The following TCF20 variants were observed in gnomAD, a reference collection of about 807,000 sequenced individuals.
TCF20 encodes the protein SPRE-binding protein.
A neutral mutation model predicts 148.6 loss-of-function variants in TCF20; 3 were observed. The observed-to-expected ratio is 0.02, with a 90% confidence interval of 0.01 to 0.05. TCF20 has a LOEUF of 0.05. Ranked by LOEUF, TCF20 falls within the 10% of genes least tolerant of loss-of-function variation. TCF20 has a pLI of 1.00. For missense variants in TCF20, 2,350 were observed against 2,429.3 expected (o/e 0.97, Z 0.69); for synonymous variants, 1,049 against 909.5 (o/e 1.15, Z -2.76).
rs772990914 is a variant in TCF20 at position 42,210,952 on chromosome 22, C to T, written c.4354G>A (p.Glu1452Lys). The change falls in exon 2 of 6, where the codon GAA becomes AAA. Residue 1452 changes from glutamate to lysine, a missense_variant. Glu to Lys is a moderately conservative substitution (Grantham distance 56, BLOSUM62 1). Around this residue, in one of 7 missense-constraint regions of TCF20, gnomAD observed 231 missense variants for 213.7 expected, o/e 1.08. Coordinates refer to ENST00000677622, the MANE Select transcript of TCF20 (RefSeq NM_001378418.1). The surrounding 1 kb of genome is among the most constrained non-coding windows in gnomAD (Gnocchi z 4.7). Reference sequence around the variant, plus strand: ...GGTTCCTTTCCGGCAGTAACTGTTTCTGCATGTGTCTCTGTCTTCACTTTG... The same window carrying T: ...GGTTCCTTTCCGGCAGTAACTGTTTTTGCATGTGTCTCTGTCTTCACTTTG... ...DDKVKTETHA[E>K]TVTAGKEPPG... The T allele has an allele frequency of 2.5e-6, 4 of 1,614,166 alleles. No individual in the cohort carries two copies. The South Asian group carries it at 3.3e-5, about 13-fold the overall frequency.
chr22:42,175,066 A>G (rs1307267670), intron 3 of TCF20, among the ~76,000 whole-genome samples: 4 of 152,042 alleles, frequency 2.6e-5, no homozygotes, highest in Non-Finnish European at 2.9e-5. Context: ...ATTTTTTTCA[A>G]CTAGAAACAA....
intron 1 of TCF20, among the ~76,000 whole-genome samples, chr22:42,234,892 G>T (rs770943110): frequency 2.0e-5 from 3 of 152,098 alleles, no homozygotes; most frequent in Non-Finnish European, 4.4e-5. Flanking sequence ...GTAAATCCCA[G>T]AACTTTTGGA....
chr22:42,258,418 CAG>C (rs1339665252), intron 1 of TCF20, among the ~76,000 whole-genome samples: 2 of 152,174 alleles, frequency 1.3e-5, no homozygotes, highest in African/African-American at 2.4e-5. Context: ...ACGCCAATCA[CAG>C]GGGATCACAC....
rs887861068 is a variant in TCF20, at chr22:42,283,181, G to A, written c.-37+646C>T. ...ATTGTTGGCGTTTCTCTCGGCCCTCGCTCCGTGCCCATCGCCCAACTCGCA... is the reference window on the plus strand; with the variant it reads ...ATTGTTGGCGTTTCTCTCGGCCCTCACTCCGTGCCCATCGCCCAACTCGCA... On this transcript the variant is annotated intron_variant, in intron 1 of 5. Transcript: ENST00000359486. Among the ~76,000 whole-genome samples, 6 of 152,152 alleles carry A rather than the reference G, an allele frequency of 3.9e-5. No homozygotes were observed. The South Asian group carries it at 6.2e-4, about 16-fold the overall frequency.
Position 42,213,618 on chromosome 22 carries a change from C to A in TCF20, c.1688G>T (p.Gly563Val), listed in dbSNP as rs771217093. The A allele has an allele frequency of 6.2e-7, 1 of 1,614,090 alleles. No individual in the cohort carries two copies. The highest frequency in any genetic ancestry group is 2.2e-5 in the East Asian group (1 of 44,878). The change falls in exon 2 of 6, where the codon GGT becomes GTT. Residue 563 changes from glycine (G) to valine (V), a missense_variant. Physicochemically the swap from Gly to Val is moderately radical, Grantham distance 109. Around this residue, in one of 7 missense-constraint regions of TCF20, gnomAD observed 1,641 missense variants for 1,662.6 expected, o/e 0.99. Coordinates refer to ENST00000677622, the MANE Select transcript of TCF20 (RefSeq NM_001378418.1). ...SEKAGSSPAQ[G>V]AQNEPPRLNA... ...GAGTCTGGGGGGTTCATTCTGAGCA[C>A]CTTGTGCCGGTGAGGAGCCAGCTTT...
At chr22:42,280,590 G>A (rs756494651) in intron 1 of TCF20, among the ~76,000 whole-genome samples, 5 of 152,204 alleles carry the variant, frequency 3.3e-5, no homozygotes, top group Admixed American at 6.5e-5. Context: ...CTAATACATA[G>A]TTAGGCAACT....
At chr22:42,178,725 G>T (rs140347609) in intron 3 of TCF20, among the ~76,000 whole-genome samples, 1 of 151,320 alleles carries the variant, frequency 6.6e-6, no homozygotes, top group African/African-American at 2.4e-5. Flanking sequence ...TGGGACTATA[G>T]GTGCGCGTCA....
chr22:42,324,426 A>G (rs1927832183), intron 1 of TCF20, among the ~76,000 whole-genome samples: 1 of 152,070 alleles, frequency 6.6e-6, no homozygotes, highest in African/African-American at 2.4e-5. Flanking sequence ...CCACCATTCC[A>G]GAAAATAATC....
At chr22:42,181,222 C>T (rs1175670830) in intron 2 of TCF20, among the ~76,000 whole-genome samples, 3 of 152,074 alleles carry the variant, frequency 2.0e-5, no homozygotes, top group Admixed American at 6.5e-5. Context: ...CTTGCTTTGT[C>T]GCCCAGGCTG....
At chr22:42,231,404 C>G (rs1407925251) in intron 1 of TCF20, among the ~76,000 whole-genome samples, 2 of 152,026 alleles carry the variant, frequency 1.3e-5, no homozygotes, top group African/African-American at 2.4e-5. Context: ...GTTGCTTGAG[C>G]CCAGGAGTTT....
rs1927291377 is a variant in TCF20 at position 42,299,362 on chromosome 22, G to A, written c.-37+44117C>T. On this transcript the variant is annotated intron_variant, in intron 1 of 1. Transcript: ENST00000515426. The surrounding 1 kb of genome is among the most constrained non-coding windows in gnomAD (Gnocchi z 4.1). ...CCCTGCTCTGGCACTCTCTCCATCT[G>A]CCTCTCACACAGTCCTTACCTTGCT... Among the ~76,000 whole-genome samples the A allele has an allele frequency of 6.6e-6, 1 of 152,012 alleles. No individual in the cohort carries two copies.
intron 3 of TCF20, among the ~76,000 whole-genome samples, chr22:42,173,431 A>G (rs1464515478): frequency 6.6e-6 from 1 of 152,132 alleles, no homozygotes; most frequent in Non-Finnish European, 1.5e-5. Flanking sequence ...TTCTGTTTCT[A>G]TGGAGATGTC....
At chr22:42,267,466 C>T (rs920840938) in intron 1 of TCF20, among the ~76,000 whole-genome samples, 1 of 150,588 alleles carries the variant, frequency 6.6e-6, no homozygotes, top group Non-Finnish European at 1.5e-5. Flanking sequence ...ACTTTGGGGG[C>T]CCAAGGCGGG....
At chr22:42,229,719 C>A (rs1923229221) in intron 1 of TCF20, among the ~76,000 whole-genome samples, 1 of 152,194 alleles carries the variant, frequency 6.6e-6, no homozygotes, top group East Asian at 1.9e-4. Flanking sequence ...AAAACACTTT[C>A]CAAATCTGAG....
chr22:42,319,150 C>T (rs897948071), intron 1 of TCF20, among the ~76,000 whole-genome samples: 5 of 152,194 alleles, frequency 3.3e-5, no homozygotes, highest in East Asian at 1.9e-4. Flanking sequence ...GACCGTCACA[C>T]GTAAAGTCTA....
At chr22:42,186,891 AGGAT>A in intron 2 of TCF20, among the ~76,000 whole-genome samples, 1 of 152,382 alleles carries the variant, frequency 6.6e-6, no homozygotes, top group African/African-American at 2.4e-5. Context: ...AAATTCTAGC[AGGAT>A]TTCGAAAGCA....
At position 42,168,655 on chromosome 22, in the gene TCF20, AC is replaced by A; in HGVS notation, c.5880del (p.Ter1961GlufsTer100). ...GSLSTEQSER[G>X] Reference sequence around the variant, plus strand: ...TTCCCACGAGCACACTGCCCCCCTCACCCCCGCTCCGACTGCTCTGTGCTGA... The same window carrying A: ...TTCCCACGAGCACACTGCCCCCCTCACCCCGCTCCGACTGCTCTGTGCTGA... On this transcript the variant is annotated frameshift_variant, in exon 5 of 6. Transcript: ENST00000677622. LOFTEE classifies it high-confidence loss of function. 1 of 1,600,180 alleles carries A rather than the reference AC, an allele frequency of 6.2e-7. No individual in the cohort carries two copies.
chr22:42,269,284 C>T (rs1370871369), intron 1 of TCF20, among the ~76,000 whole-genome samples: 1 of 152,034 alleles, frequency 6.6e-6, no homozygotes, highest in East Asian at 1.9e-4. Flanking sequence ...TTACCAGAGA[C>T]ATCTAATCTT....
chr22:42,275,653 G>A (rs1463754524), upstream of TCF20, among the ~76,000 whole-genome samples: 1 of 152,196 alleles, frequency 6.6e-6, no homozygotes, highest in Non-Finnish European at 1.5e-5. Context: ...AAACCCATGA[G>A]GCAGGGATTG....
Sources: gnomAD v4.1 joint callset for allele counts (sites outside exome capture counted in the v4.1 genomes callset) on GRCh38, gnomAD v4.1.1 for gene constraint, gnomAD v4.1.1 regional missense constraint, Gnocchi (gnomAD v3.1) non-coding constraint, MANE v1.5 for transcripts, NCBI Gene and HGNC (gene_info 2026-07-23, HGNC 2026-07-21) for gene names.